PHAX: variants seen among roughly 807,000 people sequenced by gnomAD.
PHAX encodes the protein phosphorylated adapter RNA export protein.
A neutral mutation model predicts 41.6 loss-of-function variants in PHAX; 31 were observed. That is an observed-to-expected ratio of 0.75 (90% CI 0.56 to 1.01). The LOEUF (loss-of-function observed/expected upper bound fraction) is 1.01. PHAX is among the 50% of genes least tolerant of loss of function. The pLI is 0.00. For synonymous variants in PHAX, 175 were observed against 164.9 expected (o/e 1.06, Z -0.47); for missense variants, 453 against 472.9 (o/e 0.96, Z 0.39).
chr5:126,619,039 C>T (rs1017856369), intron 4 of PHAX, among the ~76,000 whole-genome samples: 1 of 151,976 alleles, frequency 6.6e-6, no homozygotes, highest in Non-Finnish European at 1.5e-5. Flanking sequence ...TCTTAGATGA[C>T]CCTCAGCCTC....
Position 126,603,941 on chromosome 5 carries a change from T to C in PHAX, c.468T>C (p.Leu156=). ...SRQSETYNYL[L]AKKLRKESQE... is the part of the protein sequence containing the mutation. ...AATCCGAGACCTACAATTATTTGCT[T>C]GCCAAGAAACTTAGGAAGGAATCTC... Residue 156 remains leucine (L), a synonymous_variant, in exon 2 of 5, where the codon CTT becomes CTC. Coordinates refer to ENST00000297540, the MANE Select transcript of PHAX (RefSeq NM_032177.4). 6.2e-7 allele frequency: 1 copy of C among 1,614,042 alleles called. No individual in the cohort carries two copies. Among genetic ancestry groups the C allele is most frequent in the East Asian group, 2.2e-5 (1 of 44,882 alleles).
In PHAX at chr5:126,618,705, C is replaced by T. The variant is rs185075455; in HGVS notation, c.915+1372C>T. On this transcript the variant is annotated intron_variant, in intron 4 of 4. Coordinates refer to ENST00000297540, the MANE Select transcript of PHAX (RefSeq NM_032177.4). ...TTTTTGAGATGGAGTCTTGCTCTGT[C>T]GCCAGGCTGGAGTGCAGTGTCATGA... Among the ~76,000 whole-genome samples, 1,226 of 142,832 alleles carry T rather than the reference C, an allele frequency of 8.6e-3. 7 individuals are homozygous for T. Among genetic ancestry groups the T allele is most frequent in the Non-Finnish European group, 0.014 (912 of 66,474 alleles). 93.7% of individuals were successfully genotyped at this position (142,832 alleles called of 152,430 possible). A position where few individuals can be genotyped will look rare whatever the true frequency, so the allele number is the denominator to read the frequency against.
intron 4 of PHAX, among the ~76,000 whole-genome samples, chr5:126,621,695 A>T (rs1013462262): frequency 6.6e-6 from 1 of 152,196 alleles, no homozygotes; most frequent in Admixed American, 6.6e-5. Flanking sequence ...AAGTTTTCTG[A>T]AGGAAAAAAG....
intron 1 of PHAX, among the ~76,000 whole-genome samples, chr5:126,602,003 AT>A (rs1365472054): frequency 1.3e-5 from 2 of 150,066 alleles, no homozygotes; most frequent in African/African-American, 4.9e-5. Context: ...TTGAGACGAG[AT>A]TTCTCCATGT....
At chr5:126,604,829 T>G (rs71587903) in intron 2 of PHAX, among the ~76,000 whole-genome samples, 9,212 of 149,790 alleles carry the variant, frequency 0.061, 329 homozygotes, top group South Asian at 0.11. Flanking sequence ...AGGTCAGGAG[T>G]TCAAGACCAG....
intron 2 of PHAX, among the ~76,000 whole-genome samples, chr5:126,607,009 G>A (rs1262170719): frequency 6.6e-6 from 1 of 152,048 alleles, no homozygotes; most frequent in Non-Finnish European, 1.5e-5. Context: ...CTTGGTGTAT[G>A]GTAAATTTAC....
At position 126,625,766 on chromosome 5, in the gene PHAX, A is replaced by G. The variant is rs1196124298; in HGVS notation, c.*922A>G. 6.6e-6 allele frequency: 1 copy of G among 151,896 alleles called. No homozygotes were observed. Among genetic ancestry groups the G allele is most frequent in the African/African-American group, 2.4e-5 (1 of 41,328 alleles). The allele number at this position is 151,896 out of a possible 1,614,324, so 9.4% of individuals were successfully genotyped here. On this transcript the variant is annotated 3_prime_UTR_variant, in exon 5 of 5. Transcript: ENST00000297540. ...ACCCAGGCTGGAGTACAGTGGCAGGATCTCAGCTTACTGCAGCTTCCATCT... is the reference window on the plus strand; with the variant it reads ...ACCCAGGCTGGAGTACAGTGGCAGGGTCTCAGCTTACTGCAGCTTCCATCT...
intron 3 of PHAX, among the ~76,000 whole-genome samples, chr5:126,610,208 T>A (rs908459279): frequency 6.6e-6 from 1 of 152,360 alleles, no homozygotes; most frequent in African/African-American, 2.4e-5. Flanking sequence ...AGCTCTTTAC[T>A]GTTTCAGAAT....
intron 3 of PHAX, among the ~76,000 whole-genome samples, chr5:126,613,247 G>A (rs1369804598): frequency 6.6e-6 from 1 of 152,136 alleles, no homozygotes; most frequent in African/African-American, 2.4e-5. Flanking sequence ...TGCTCGGGAG[G>A]CTGAGGCAGG....
intron 4 of PHAX, among the ~76,000 whole-genome samples, chr5:126,622,060 TCTC>T (rs1198900720): frequency 6.6e-6 from 1 of 151,802 alleles, no homozygotes; most frequent in African/African-American, 2.4e-5. Context: ...TTCAAGCAAT[TCTC>T]CTGCCTCACC....
At chr5:126,609,227 A>G (rs1308389926) in intron 3 of PHAX, among the ~76,000 whole-genome samples, 4 of 150,418 alleles carry the variant, frequency 2.7e-5, no homozygotes, top group African/African-American at 7.4e-5. Context: ...CAGCCCCCCA[A>G]GTAGCTGAGA....
intron 4 of PHAX, among the ~76,000 whole-genome samples, chr5:126,618,288 T>G (rs1752219228): frequency 6.6e-6 from 1 of 151,956 alleles, no homozygotes; most frequent in Non-Finnish European, 1.5e-5. Flanking sequence ...AAGCATCAGA[T>G]GCTTAGTTCT....
chr5:126,609,724 A>G (rs1463249409), intron 3 of PHAX, among the ~76,000 whole-genome samples: 1 of 149,824 alleles, frequency 6.7e-6, no homozygotes, highest in African/African-American at 2.5e-5. Context: ...AAAAAAAAAA[A>G]CAAAACACCC....
chr5:126,617,957 T>C (rs563150816), intron 4 of PHAX, among the ~76,000 whole-genome samples: 1 of 152,200 alleles, frequency 6.6e-6, no homozygotes, highest in Admixed American at 6.6e-5. Flanking sequence ...CTTTCTTTTT[T>C]CCCCTTGAGA....
intron 1 of PHAX, among the ~76,000 whole-genome samples, chr5:126,602,832 C>G (rs907857156): frequency 1.3e-5 from 2 of 151,890 alleles, no homozygotes; most frequent in Admixed American, 1.3e-4. Flanking sequence ...GTGAAACCCC[C>G]TCTCTACTAA....
intron 4 of PHAX, among the ~76,000 whole-genome samples, chr5:126,621,035 C>CA (rs1399968229): frequency 6.6e-6 from 1 of 151,886 alleles, no homozygotes; most frequent in Non-Finnish European, 1.5e-5. Flanking sequence ...TGCGCCTGGC[C>CA]AAAAAATTCT....
At chr5:126,613,685 G>C (rs558150892) in intron 3 of PHAX, among the ~76,000 whole-genome samples, 1 of 152,108 alleles carries the variant, frequency 6.6e-6, no homozygotes, top group Admixed American at 6.6e-5. Flanking sequence ...TCAGAAAAAA[G>C]TAAAAAGATT....
chr5:126,611,671 G>T (rs1265257054), intron 3 of PHAX, among the ~76,000 whole-genome samples: 1 of 151,812 alleles, frequency 6.6e-6, no homozygotes, highest in African/African-American at 2.4e-5. Flanking sequence ...CATGTGTTTA[G>T]TCCCAACTAC....
At position 126,605,606 on chromosome 5, in the gene PHAX, C is replaced by T. The variant is rs543159816; in HGVS notation, c.710+1423C>T. On this transcript the variant is annotated intron_variant, in intron 2 of 4. Coordinates refer to ENST00000297540, the MANE Select transcript of PHAX (RefSeq NM_032177.4). Reference sequence around the variant, plus strand: ...AGAGATAGGGTTTCATTATGTTGGCCGGACTGATCTCGATCTCCTGGCCTC... The same window carrying T: ...AGAGATAGGGTTTCATTATGTTGGCTGGACTGATCTCGATCTCCTGGCCTC... Among the ~76,000 whole-genome samples the T allele has an allele frequency of 3.3e-5, 5 of 152,024 alleles. No individual in the cohort carries two copies. The South Asian group carries it at 1.0e-3, about 32-fold the overall frequency.
Sources: allele counts gnomAD v4.1 joint callset (sites outside exome capture counted in the v4.1 genomes callset), GRCh38; gene constraint gnomAD v4.1.1; transcripts MANE v1.5; gene names NCBI Gene and HGNC (gene_info 2026-07-23, HGNC 2026-07-21).